ABCB4: variants seen among roughly 807,000 people sequenced by gnomAD.
ABCB4 encodes ATP binding cassette subfamily B member 4.
In ABCB4, 76 loss-of-function variants were observed where a neutral mutation model predicts 145.7. That is an observed-to-expected ratio of 0.52 (90% CI 0.43 to 0.63). The LOEUF is 0.63. Ranked by LOEUF, ABCB4 falls within the 30% of genes least tolerant of loss-of-function variation. The pLI is 0.00. For missense variants in ABCB4, 1,234 were observed against 1,553.1 expected, an observed-to-expected ratio of 0.79 and a Z score of 3.45; for synonymous variants, 517 against 566.8, an observed-to-expected ratio of 0.91 and a Z score of 1.25.
the ABCB4 span, among the ~76,000 whole-genome samples, chr7:87,390,059 C>T: frequency 6.6e-6 from 1 of 152,066 alleles, no homozygotes; most frequent in African/African-American, 2.4e-5. Context: ...GGTCATTTAT[C>T]CTGTAGAGTT....
At chr7:87,441,709 C>T (rs1198011426) in intron 12 of ABCB4, among the ~76,000 whole-genome samples, 2 of 152,088 alleles carry the variant, frequency 1.3e-5, no homozygotes, top group East Asian at 3.9e-4. Context: ...AGTGATCCTC[C>T]TGCCTCAGCC....
chr7:87,424,107 C>G (rs1809644255), intron 16 of ABCB4, 55 bp from the exon 17 acceptor site: 1 of 1,612,180 alleles, frequency 6.2e-7, no homozygotes, highest in Non-Finnish European at 8.5e-7. Flanking sequence ...TTACCAGAGT[C>G]TGTAGACATA....
chr7:87,446,946 T>G, intron 9 of ABCB4, 88 bp downstream of exon 9: 2 of 1,270,242 alleles, frequency 1.6e-6, no homozygotes, highest in Non-Finnish European at 2.2e-6. Context: ...TGTTCATCTT[T>G]CAAAAAGGAG....
At position 87,424,031 on chromosome 7, in the gene ABCB4, A is replaced by G; in HGVS notation, c.2086T>C (p.Ser696Pro). The G allele has an allele frequency of 1.9e-6, 3 of 1,614,056 alleles. No homozygotes were observed. The highest frequency in any genetic ancestry group is 2.5e-6 in the Non-Finnish European group (3 of 1,179,950). The change falls in exon 17 of 28, where the codon TCC becomes CCC. Residue 696 changes from serine (S) to proline (P), a missense_variant. Physicochemically the swap from Ser to Pro is moderately conservative, Grantham distance 74. Coordinates refer to ENST00000649586, the MANE Select transcript of ABCB4 (RefSeq NM_000443.4). ...DGLEANVPPV[S>P]FLKVLKLNKT... ...TTCAGTTTCAGGACCTTCAGAAAGG[A>G]CACTGGTGGCACATTTGCTTCCTAG...
chr7:87,443,554 C>A lies in ABCB4; in HGVS notation c.1230+109G>T. 3.2e-6 allele frequency: 5 copies of A among 1,540,896 alleles called. No homozygotes were observed. The South Asian group carries it at 4.5e-5, about 14-fold the overall frequency. ...AAAAGTATCAAATAAGGGAATATAA[C>A]CCCCAAAGGAAAAGGCACATAAGTA... On this transcript the variant is annotated intron_variant, in intron 11 of 27. Coordinates refer to ENST00000649586, the MANE Select transcript of ABCB4 (RefSeq NM_000443.4).
rs45440895 is a variant in ABCB4 at position 87,459,586 on chromosome 7, T to A, written c.286+3172A>T. Among the ~76,000 whole-genome samples, 62 of 150,818 alleles carry A rather than the reference T, an allele frequency of 4.1e-4. 1 individual carries two copies. The highest frequency in any genetic ancestry group is 4.0e-3 in the Admixed American group (61 of 15,076). On this transcript the variant is annotated intron_variant, in intron 4 of 27. Coordinates refer to ENST00000649586, the MANE Select transcript of ABCB4 (RefSeq NM_000443.4). ...AACCCTGTGTAGAAGCCATTTAAAA[T>A]TTTTTTTTTACTTTAAATTTATTTT...
At chr7:87,423,665 C>T (rs1209502770) in intron 17 of ABCB4, 4 of 516,250 alleles carry the variant, frequency 7.7e-6, no homozygotes, top group Non-Finnish European at 1.4e-5. Context: ...GAAGAGAGCT[C>T]ATTAGAATGC....
At chr7:87,412,146 G>T in intron 22 of ABCB4, 113 bp from the exon 23 acceptor site, 1 of 1,051,240 alleles carries the variant, frequency 9.5e-7, no homozygotes, top group Non-Finnish European at 1.5e-6. Context: ...TCCACCTCCA[G>T]TTATATTAGT....
At chr7:87,417,659 T>C (rs1279036188) in intron 20 of ABCB4, 144 bp from the exon 21 acceptor site, 2 of 723,912 alleles carry the variant, frequency 2.8e-6, no homozygotes, top group African/African-American at 3.5e-5. Context: ...CCACAACACC[T>C]GTGCTTAACT....
chr7:87,432,067 AT>A (rs1225920424), intron 14 of ABCB4, among the ~76,000 whole-genome samples: 3 of 152,194 alleles, frequency 2.0e-5, no homozygotes, highest in Admixed American at 6.5e-5. Flanking sequence ...GATCAGGACT[AT>A]TAAAATTATG....
intron 8 of ABCB4, among the ~76,000 whole-genome samples, chr7:87,448,282 A>C (rs979002981): frequency 7.2e-6 from 1 of 138,918 alleles, no homozygotes; most frequent in Non-Finnish European, 1.6e-5. Flanking sequence ...TCTTTGTGAC[A>C]AAAAAAAACA....
chr7:87,377,370 G>A, the ABCB4 span: 1 of 1,606,744 alleles, frequency 6.2e-7, no homozygotes. Flanking sequence ...CATCCTTATT[G>A]GAGATCCAAC....
chr7:87,461,819 C>T (rs1812478989), intron 4 of ABCB4, among the ~76,000 whole-genome samples: 1 of 152,134 alleles, frequency 6.6e-6, no homozygotes, highest in African/African-American at 2.4e-5. Flanking sequence ...ACACGTAAGG[C>T]CTACAATAGT....
intron 8 of ABCB4, among the ~76,000 whole-genome samples, chr7:87,449,343 A>G (rs1171656724): frequency 3.3e-5 from 5 of 152,154 alleles, no homozygotes; most frequent in African/African-American, 4.8e-5. Flanking sequence ...GTAAAATAAA[A>G]TAAAAAATAT....
Position 87,412,594 on chromosome 7 carries a change from A to G in ABCB4, c.2784-561T>C, listed in dbSNP as rs140214930. ...TTTGTACAGTTTCTAATTTGACTTC[A>G]TGCTATACTTTATTGGCTTCTGAAT... On this transcript the variant is annotated intron_variant, in intron 22 of 27. Transcript: ENST00000649586. Among the ~76,000 whole-genome samples the G allele has an allele frequency of 6.6e-5, 10 of 152,312 alleles. No individual in the cohort carries two copies. In the East Asian group the frequency reaches 1.9e-3, roughly 29 times the overall value.
downstream of ABCB4, chr7:87,398,880 T>C (rs1411888486): frequency 4.0e-6 from 2 of 496,774 alleles, no homozygotes; most frequent in Non-Finnish European, 7.2e-6. Flanking sequence ...TATGACATAG[T>C]GAATATAGAA....
chr7:87,392,839 G>A, the ABCB4 span: 19 of 1,610,224 alleles, frequency 1.2e-5, no homozygotes, highest in Admixed American at 1.0e-4. Flanking sequence ...ATAGTGTAGT[G>A]TTTTACAGCT....
intron 15 of ABCB4, among the ~76,000 whole-genome samples, chr7:87,428,498 A>C (rs545973503): frequency 6.6e-6 from 1 of 152,350 alleles, no homozygotes; most frequent in African/African-American, 2.4e-5. Flanking sequence ...GACATGGAGG[A>C]AAAAACTGAC....
chr7:87,449,643 GC>G (rs1327039648), intron 8 of ABCB4, among the ~76,000 whole-genome samples: 1 of 151,606 alleles, frequency 6.6e-6, no homozygotes, highest in Non-Finnish European at 1.5e-5. Context: ...TTACTACATT[GC>G]CCAGGCTGGT....
Sources: gnomAD v4.1 joint callset for allele counts (sites outside exome capture counted in the v4.1 genomes callset) on GRCh38, gnomAD v4.1.1 for gene constraint, MANE v1.5 for transcripts, NCBI Gene and HGNC (gene_info 2026-07-23, HGNC 2026-07-21) for gene names.